The following ATP11B variants were observed in gnomAD, a reference collection of about 807,000 sequenced individuals.
ATP11B encodes ATPase phospholipid transporting 11B (putative), also known as phospholipid-transporting ATPase IF.
Under a neutral mutation model 157.8 loss-of-function variants are expected in ATP11B, and 81 were observed. That is an observed-to-expected ratio of 0.51 (90% CI 0.43 to 0.62). ATP11B has a LOEUF of 0.62. ATP11B is among the 20% of genes least tolerant of loss of function. The pLI is 0.00. For missense variants in ATP11B, 1,165 were observed against 1,402.2 expected (o/e 0.83, Z 2.70); for synonymous variants, 451 against 469.4 (o/e 0.96, Z 0.51).
In ATP11B at chr3:182,867,129, A is replaced by G. The variant is rs187727280; in HGVS notation, c.1620-247A>G. Among the ~76,000 whole-genome samples the G allele has an allele frequency of 3.3e-5, 5 of 151,674 alleles. No homozygotes were observed. The East Asian group carries it at 5.8e-4, about 18-fold the overall frequency. ...TTTTTAGTAGAGATTGGGTTTCGCC[A>G]TGTTAGCCAGACTGGTCTTGAACTC... On this transcript the variant is annotated intron_variant, in intron 14 of 29. Coordinates refer to ENST00000323116, the MANE Select transcript of ATP11B (RefSeq NM_014616.3).
intron 1 of ATP11B, among the ~76,000 whole-genome samples, chr3:182,798,712 C>G: frequency 6.6e-6 from 1 of 152,228 alleles, no homozygotes; most frequent in South Asian, 2.1e-4. Context: ...ATATGGCTGT[C>G]GAAATGTAGG....
rs559815039 is a variant in ATP11B at position 182,839,118 on chromosome 3, C to G, written c.656+1944C>G. 3.3e-5 allele frequency among the ~76,000 whole-genome samples: 5 copies of G among 152,256 alleles called. No individual in the cohort carries two copies. The East Asian group carries it at 9.7e-4, about 29-fold the overall frequency. Reference sequence around the variant, plus strand: ...ATGTAGGCACAAAAAAGAAAGAGATCACGTCTTTTGCAGGAACATGGATAG... The same window carrying G: ...ATGTAGGCACAAAAAAGAAAGAGATGACGTCTTTTGCAGGAACATGGATAG... On this transcript the variant is annotated intron_variant, in intron 7 of 29. Coordinates refer to ENST00000323116, the MANE Select transcript of ATP11B (RefSeq NM_014616.3).
intron 1 of ATP11B, among the ~76,000 whole-genome samples, chr3:182,817,391 C>T (rs1489964536): frequency 6.6e-6 from 1 of 152,130 alleles, no homozygotes; most frequent in Non-Finnish European, 1.5e-5. Flanking sequence ...AGCAGTTCCC[C>T]TGCCACAGCC....
At chr3:182,890,126 A>G (rs150484110) in intron 25 of ATP11B, among the ~76,000 whole-genome samples, 2 of 152,072 alleles carry the variant, frequency 1.3e-5, no homozygotes, top group South Asian at 2.1e-4. Flanking sequence ...GAAAGAGTGC[A>G]TTTTAAACAG....
chr3:182,887,747 GT>G, intron 24 of ATP11B, 34 bp downstream of exon 24: 11 of 1,578,524 alleles, frequency 7.0e-6, no homozygotes, highest in Non-Finnish European at 9.4e-6. Context: ...GGCCTTATCA[GT>G]TTTTTTAAGT....
chr3:182,903,176 A>G (rs1724087470), intron 28 of ATP11B, among the ~76,000 whole-genome samples: 2 of 152,156 alleles, frequency 1.3e-5, no homozygotes, highest in Non-Finnish European at 2.9e-5. Flanking sequence ...TGAAAGCTTA[A>G]ATTCTAGAAC....
At chr3:182,880,837 T>C (rs1024103397) in intron 20 of ATP11B, 42 bp from the exon 21 acceptor site, 2 of 1,321,314 alleles carry the variant, frequency 1.5e-6, no homozygotes, top group African/African-American at 1.5e-5. Context: ...TGCAAGAAAA[T>C]TGAACTTGCG....
At chr3:182,883,933 C>A (rs1416804825) in intron 21 of ATP11B, among the ~76,000 whole-genome samples, 2 of 123,468 alleles carry the variant, frequency 1.6e-5, no homozygotes, top group African/African-American at 6.5e-5. Flanking sequence ...CCAGCCTGGG[C>A]GACAGAGCGA....
At chr3:182,813,948 A>G (rs2108493114) in intron 1 of ATP11B, among the ~76,000 whole-genome samples, 1 of 152,156 alleles carries the variant, frequency 6.6e-6, no homozygotes, top group African/African-American at 2.4e-5. Context: ...GCTGTTCTTG[A>G]ACTCCTGGCC....
chr3:182,906,777 T>TA (rs111914016), intron 28 of ATP11B, among the ~76,000 whole-genome samples: 249 of 133,706 alleles, frequency 1.9e-3, no homozygotes, highest in South Asian at 2.5e-3. Flanking sequence ...GTATCTGTTT[T>TA]AAAAAAAAAA....
rs1722264451 is a variant in ATP11B, at chr3:182,879,379, A to G, written c.2253-117A>G. 3.5e-6 allele frequency: 3 copies of G among 853,282 alleles called. No homozygotes were observed. The Admixed American group carries it at 1.1e-4, about 32-fold the overall frequency. The allele number at this position is 853,282 out of a possible 1,614,324, so 52.9% of individuals were successfully genotyped here. Reference sequence around the variant, plus strand: ...TGTTTCCTGACATAACAGTCTTGTAACAGTAAGGGCTGTGGGTAAAAGATC... The same window carrying G: ...TGTTTCCTGACATAACAGTCTTGTAGCAGTAAGGGCTGTGGGTAAAAGATC... On this transcript the variant is annotated intron_variant, in intron 19 of 29. Coordinates refer to ENST00000323116, the MANE Select transcript of ATP11B (RefSeq NM_014616.3).
At chr3:182,894,180 A>T (rs575703279) in intron 25 of ATP11B, among the ~76,000 whole-genome samples, 4 of 152,208 alleles carry the variant, frequency 2.6e-5, no homozygotes, top group Non-Finnish European at 5.9e-5. Flanking sequence ...CTTTTTGGTT[A>T]ATTAAGTCCC....
intron 19 of ATP11B, among the ~76,000 whole-genome samples, chr3:182,876,400 ATTTG>A (rs1722044273): frequency 6.6e-6 from 1 of 152,114 alleles, no homozygotes. Flanking sequence ...AATCATTAGT[ATTTG>A]TTTTCTTTTC....
chr3:182,887,861 A>G, intron 24 of ATP11B, 148 bp downstream of exon 24: 1 of 906,068 alleles, frequency 1.1e-6, no homozygotes, highest in Non-Finnish European at 1.6e-6. Flanking sequence ...AGAGAAAAAA[A>G]GGTTTCTTTC....
At chr3:182,885,841 A>G (rs1225670939) in intron 22 of ATP11B, 110 bp from the exon 23 acceptor site, 7 of 633,274 alleles carry the variant, frequency 1.1e-5, no homozygotes, top group African/African-American at 7.9e-5. Flanking sequence ...TTTACTTACC[A>G]TACCAACTGA....
chr3:182,844,094 C>G lies in ATP11B; in HGVS notation c.705-1364C>G, dbSNP rs1259668860. On this transcript the variant is annotated intron_variant, in intron 8 of 29. Transcript: ENST00000323116. ...CCCTAGAATGGTTAAAAAAATGAAC[C>G]ATGTTCTCTACTAAAACAACCTGAC... 4 of 152,106 alleles carry G rather than the reference C, an allele frequency of 2.6e-5. No individual in the cohort carries two copies. In the East Asian group the frequency reaches 7.7e-4, roughly 29 times the overall value. The allele number at this position is 152,106 out of a possible 1,614,324, so 9.4% of individuals were successfully genotyped here. A position where few individuals can be genotyped will look rare whatever the true frequency, so the allele number is the denominator to read the frequency against.
At chr3:182,873,713 C>CA in intron 18 of ATP11B, 99 bp from the exon 19 acceptor site, 2 of 1,005,504 alleles carry the variant, frequency 2.0e-6, no homozygotes, top group Non-Finnish European at 2.9e-6. Flanking sequence ...TAGGTCAAGT[C>CA]AAAGAGTTTA....
intron 21 of ATP11B, among the ~76,000 whole-genome samples, chr3:182,884,400 A>T (rs896444243): frequency 2.6e-5 from 4 of 152,170 alleles, no homozygotes; most frequent in African/African-American, 9.6e-5. Context: ...GAAGTTAAGT[A>T]TTTTATAGCA....
intron 27 of ATP11B, 127 bp from the exon 28 acceptor site, chr3:182,898,480 A>G (rs1723718130): frequency 1.7e-6 from 1 of 593,436 alleles, no homozygotes; most frequent in African/African-American, 1.9e-5. Context: ...TAATTAAATT[A>G]TACTGATTTC....
Sources: allele counts gnomAD v4.1 joint callset (sites outside exome capture counted in the v4.1 genomes callset), GRCh38; gene constraint gnomAD v4.1.1; transcripts MANE v1.5; gene names NCBI Gene and HGNC (gene_info 2026-07-23, HGNC 2026-07-21).